Variants in PTPRZ1 observed in about 807,000 individuals in gnomAD.
PTPRZ1 encodes protein tyrosine phosphatase receptor type Z1.
Under a neutral mutation model 214.1 loss-of-function variants are expected in PTPRZ1, and 82 were observed. The ratio of observed to expected loss-of-function variants is 0.38; its 90% CI spans 0.32 to 0.46. The LOEUF is 0.46. Among genes scored for constraint, PTPRZ1 ranks in the 20% least tolerant of loss-of-function variants. The pLI is 1.00. For synonymous variants in PTPRZ1, 945 were observed against 987.9 expected, an observed-to-expected ratio of 0.96 and a Z score of 0.81; for missense variants, 2,603 against 2,748.7, an observed-to-expected ratio of 0.95 and a Z score of 1.19.
intron 1 of PTPRZ1, among the ~76,000 whole-genome samples, chr7:121,880,279 T>C (rs908314770): frequency 2.0e-5 from 3 of 152,044 alleles, no homozygotes; most frequent in Non-Finnish European, 4.4e-5. Flanking sequence ...CAGGGGATAG[T>C]TTTTTTTACA....
At chr7:121,962,412 C>T (rs1260964263) in intron 2 of PTPRZ1, among the ~76,000 whole-genome samples, 2 of 151,406 alleles carry the variant, frequency 1.3e-5, no homozygotes, top group Non-Finnish European at 2.9e-5. Context: ...TGCACCACTG[C>T]ACTCCAGCCT....
At chr7:122,004,317 C>G (rs1331509709) in intron 10 of PTPRZ1, among the ~76,000 whole-genome samples, 1 of 152,080 alleles carries the variant, frequency 6.6e-6, no homozygotes, top group Non-Finnish European at 1.5e-5. Flanking sequence ...CTGACCTCCT[C>G]TCCGTTCTTA....
intron 2 of PTPRZ1, among the ~76,000 whole-genome samples, chr7:121,934,293 T>C (rs779494145): frequency 6.6e-6 from 1 of 152,060 alleles, no homozygotes; most frequent in Non-Finnish European, 1.5e-5. Context: ...ATGTAGGGCC[T>C]CTGCTTGGCT....
intron 6 of PTPRZ1, among the ~76,000 whole-genome samples, chr7:121,977,713 T>TA (rs920205539): frequency 6.6e-6 from 1 of 151,730 alleles, no homozygotes; most frequent in African/African-American, 2.4e-5. Context: ...GCTTTTATTT[T>TA]TTTTTTTTTT....
chr7:121,938,020 CAT>C (rs1399058727), intron 2 of PTPRZ1, among the ~76,000 whole-genome samples: 1 of 152,046 alleles, frequency 6.6e-6, no homozygotes, highest in Non-Finnish European at 1.5e-5. Context: ...TTTCATATTT[CAT>C]ATGTTTATAT....
chr7:122,012,908 A>T lies in PTPRZ1; in HGVS notation c.3862A>T (p.Ser1288Cys). 1.2e-6 allele frequency: 2 copies of T among 1,614,204 alleles called. No individual in the cohort carries two copies. The highest frequency in any genetic ancestry group is 1.1e-5 in the South Asian group (1 of 91,084). The change falls in exon 12 of 30, where the codon AGT (serine) becomes TGT (cysteine). Residue 1288 changes from serine to cysteine, a missense_variant. Ser to Cys is a moderately radical substitution (Grantham distance 112). Around this residue, in one of 6 missense-constraint regions of PTPRZ1, gnomAD observed 1,913 missense variants for 1,914.3 expected, o/e 1.00. Transcript: ENST00000393386. ...SSHQVVPSLY[S>C]NDELFQTANL... ...CCACCAAGTGGTACCTTCTTTGTAC[A>T]GTAATGATGAGTTGTTCCAAACGGC... is the stretch of plus-strand genomic sequence containing the variant.
chr7:121,890,835 AT>A (rs969424660), intron 1 of PTPRZ1, among the ~76,000 whole-genome samples: 20 of 147,908 alleles, frequency 1.4e-4, no homozygotes, highest in Non-Finnish European at 2.4e-4. Context: ...ATGCCTGGCT[AT>A]TTTTTTTTTC....
At chr7:122,019,981 A>G (rs1442470425) in intron 13 of PTPRZ1, among the ~76,000 whole-genome samples, 1 of 152,198 alleles carries the variant, frequency 6.6e-6, no homozygotes, top group Non-Finnish European at 1.5e-5. Context: ...CAAAGGCTTT[A>G]TGATGATATA....
At position 122,012,999 on chromosome 7, in the gene PTPRZ1, C is replaced by T; in HGVS notation, c.3953C>T (p.Ser1318Leu). ...CATGTATTTGCTACACCTGTTTTATCAATTGATGAACCATTAAATACACTA... is the reference window on the plus strand; with the variant it reads ...CATGTATTTGCTACACCTGTTTTATTAATTGATGAACCATTAAATACACTA... The part of the protein sequence containing the change: ...GRHVFATPVL[S>L]IDEPLNTLIN... Residue 1318 changes from serine (S) to leucine (L), a missense_variant, in exon 12 of 30, where the codon TCA (serine) becomes TTA (leucine). Physicochemically the swap from Ser to Leu is moderately radical, Grantham distance 145. Coordinates refer to ENST00000393386, the MANE Select transcript of PTPRZ1 (RefSeq NM_002851.3). The T allele has an allele frequency of 6.2e-7, 1 of 1,614,092 alleles. No homozygotes were observed. Among genetic ancestry groups the T allele is most frequent in the Non-Finnish European group, 8.5e-7 (1 of 1,179,970 alleles).
At chr7:121,983,625 T>A (rs886209957) in intron 6 of PTPRZ1, 40 bp from the exon 7 acceptor site, 2 of 1,552,990 alleles carry the variant, frequency 1.3e-6, no homozygotes, top group Non-Finnish European at 1.7e-6. Flanking sequence ...TAAGTTCCAG[T>A]GTTGAGATTC....
rs1794048962 is a variant in PTPRZ1 at position 121,876,045 on chromosome 7, A to G, written c.58+2488A>G. 2.0e-5 allele frequency among the ~76,000 whole-genome samples: 3 copies of G among 152,252 alleles called. No homozygotes were observed. In the South Asian group the frequency reaches 6.2e-4, roughly 32 times the overall value. Reference sequence around the variant, plus strand: ...TATCCAGGAACAAGTTGTAGAGTTCACTAAGATATTGATTATTGGCAATTA... The same window carrying G: ...TATCCAGGAACAAGTTGTAGAGTTCGCTAAGATATTGATTATTGGCAATTA... On this transcript the variant is annotated intron_variant, in intron 1 of 29. Transcript: ENST00000393386.
At chr7:122,047,725 T>G (rs1257052429) in intron 23 of PTPRZ1, among the ~76,000 whole-genome samples, 2 of 151,508 alleles carry the variant, frequency 1.3e-5, no homozygotes, top group Non-Finnish European at 2.9e-5. Flanking sequence ...CTCGGCTCAC[T>G]GCAACCTTCC....
chr7:121,989,753 A>G (rs1354326415), intron 8 of PTPRZ1, among the ~76,000 whole-genome samples: 3 of 152,200 alleles, frequency 2.0e-5, no homozygotes, highest in African/African-American at 7.2e-5. Context: ...ATTTATATTC[A>G]GTTTTGATTT....
chr7:121,909,204 T>C (rs1305419262), intron 1 of PTPRZ1, among the ~76,000 whole-genome samples: 1 of 152,176 alleles, frequency 6.6e-6, no homozygotes, highest in Non-Finnish European at 1.5e-5. Flanking sequence ...TGTGACTCTT[T>C]TTTCAGAAGC....
In PTPRZ1 at chr7:121,906,783, T is replaced by G. The variant is rs575571212; in HGVS notation, c.59-21373T>G. On this transcript the variant is annotated intron_variant, in intron 1 of 29. Transcript: ENST00000393386. ...GACAGTGGCTTGCTTATTCTTCGTT[T>G]CCTAGTATCAATTAAAATAATAAAT... Among the ~76,000 whole-genome samples the G allele has an allele frequency of 3.5e-4, 53 of 152,308 alleles. No homozygotes were observed. In the South Asian group the frequency reaches 0.011, roughly 32 times the overall value.
intron 23 of PTPRZ1, among the ~76,000 whole-genome samples, chr7:122,048,368 G>T (rs1562881691): frequency 2.0e-5 from 3 of 152,076 alleles, no homozygotes; most frequent in Admixed American, 1.3e-4. Flanking sequence ...ATTAAAAAAA[G>T]AGATATAATT....
Position 121,873,317 on chromosome 7 carries a change from C to CTG in PTPRZ1, c.-182_-181insGT, listed in dbSNP as rs1793937111. 2.1e-6 allele frequency: 1 copy of CTG among 484,342 alleles called. No individual in the cohort carries two copies. Among genetic ancestry groups the CTG allele is most frequent in the African/African-American group, 3.2e-5 (1 of 31,350 alleles). 30.0% of individuals were successfully genotyped at this position (484,342 alleles called of 1,614,324 possible). On this transcript the variant is annotated 5_prime_UTR_variant, in exon 1 of 30. Transcript: ENST00000393386. ...TGTCTCTCTCTGTCTCTGTCTCTGTCTCTCTCTCTCTCACACACACACACA... is the reference window on the plus strand; with the variant it reads ...TGTCTCTCTCTGTCTCTGTCTCTGTCTGTCTCTCTCTCTCACACACACACACA...
intron 8 of PTPRZ1, among the ~76,000 whole-genome samples, chr7:121,985,835 A>T (rs752260928): frequency 2.0e-5 from 3 of 152,176 alleles, no homozygotes; most frequent in Non-Finnish European, 2.9e-5. Flanking sequence ...TTACCACATT[A>T]TGGTAATTGT....
intron 27 of PTPRZ1, among the ~76,000 whole-genome samples, chr7:122,058,237 G>C (rs1792435032): frequency 6.6e-6 from 1 of 151,752 alleles, no homozygotes; most frequent in Non-Finnish European, 1.5e-5. Context: ...TTTTAAAAAA[G>C]TACACTTTTG....
Sources: allele counts gnomAD v4.1 joint callset (sites outside exome capture counted in the v4.1 genomes callset), GRCh38; gene constraint gnomAD v4.1.1; regional missense constraint gnomAD v4.1.1; transcripts MANE v1.5; gene names NCBI Gene and HGNC (gene_info 2026-07-23, HGNC 2026-07-21).